The following ABR variants were observed in gnomAD, a reference collection of about 807,000 sequenced individuals.
ABR encodes the protein ABR activator of RhoGEF and GTPase.
ABR carries 35 observed loss-of-function variants against 107.2 expected under a neutral mutation model. That is an observed-to-expected ratio of 0.33 (90% CI 0.25 to 0.43). The LOEUF (loss-of-function observed/expected upper bound fraction) is 0.43. ABR is among the 20% of genes least tolerant of loss of function. The pLI, the probability that ABR is intolerant of heterozygous loss-of-function variation, is 1.00. For synonymous variants in ABR, 498 were observed against 462.0 expected, an observed-to-expected ratio of 1.08 and a Z score of -1.00; for missense variants, 815 against 1,115.2, an observed-to-expected ratio of 0.73 and a Z score of 3.83.
At chr17:1,168,868 C>T (rs2041607096) in intron 1 of ABR, among the ~76,000 whole-genome samples, 1 of 152,248 alleles carries the variant, frequency 6.6e-6, no homozygotes, top group African/African-American at 2.4e-5. Flanking sequence ...TCTGAAGATT[C>T]TACACCCAAA....
In ABR at chr17:1,078,505, G is replaced by A. The variant is rs1454146928; in HGVS notation, c.700+825C>T. Among the ~76,000 whole-genome samples the A allele has an allele frequency of 2.0e-5, 3 of 151,982 alleles. No individual in the cohort carries two copies. The highest frequency in any genetic ancestry group is 2.9e-5 in the Non-Finnish European group (2 of 67,990). On this transcript the variant is annotated intron_variant, in intron 6 of 22. Transcript: ENST00000302538. This position sits in a 1 kb window ranked among gnomAD's most constrained non-coding sequence, Gnocchi z 7.5. ...ACTACGTCTGCGGGCACAGCTCGTC[G>A]CCGTCTCTCCCTAACAGCCCCTCCA...
intron 1 of ABR, among the ~76,000 whole-genome samples, chr17:1,173,524 A>G (rs1057409746): frequency 6.6e-6 from 1 of 151,672 alleles, no homozygotes; most frequent in African/African-American, 2.4e-5. Context: ...GAAGTCCTCC[A>G]ATCATAAACC....
Position 1,085,865 on chromosome 17 carries a change from G to A in ABR, c.532-2238C>T, listed in dbSNP as rs555229282. On this transcript the variant is annotated intron_variant, in intron 4 of 22. Transcript: ENST00000302538. ...TACTTTTAAAAATGTGGGTATTAGGGGCCAGGCGCGGTGGCTCACAACTGT... is the reference window on the plus strand; with the variant it reads ...TACTTTTAAAAATGTGGGTATTAGGAGCCAGGCGCGGTGGCTCACAACTGT... 2.6e-5 allele frequency among the ~76,000 whole-genome samples: 4 copies of A among 152,140 alleles called. No homozygotes were observed. The South Asian group carries it at 8.3e-4, about 32-fold the overall frequency.
At chr17:1,060,048 A>G (rs1202896002) in intron 10 of ABR, among the ~76,000 whole-genome samples, 1 of 152,254 alleles carries the variant, frequency 6.6e-6, no homozygotes, top group African/African-American at 2.4e-5. Flanking sequence ...GCGAAGAATC[A>G]GAGACAATCC....
At chr17:1,207,206 T>C (rs1014293245) in intron 1 of ABR, among the ~76,000 whole-genome samples, 2 of 151,434 alleles carry the variant, frequency 1.3e-5, no homozygotes, top group African/African-American at 4.9e-5. Flanking sequence ...TGAGCTGTGA[T>C]TGTGCCACTG....
chr17:1,187,816 C>T (rs762653927), upstream of ABR, among the ~76,000 whole-genome samples: 54 of 151,908 alleles, frequency 3.6e-4, 1 homozygote, highest in Non-Finnish European at 7.1e-4. Flanking sequence ...ATCACTTGAA[C>T]CTGGGTGGCG....
chr17:1,057,975 T>C lies in ABR; in HGVS notation c.1376A>G (p.Lys459Arg). ...EWREAIQKLQ[K>R]KDLQAFVLSS... ...TGGAAGAGGCAGGAATTTACCCTTC[T>C]TCTGTAGTTTCTGAATTGCTTCTCT... Residue 459 changes from lysine (K) to arginine (R), a missense_variant, in exon 12 of 23, where the codon AAG becomes AGG. Lys to Arg is a conservative substitution (Grantham distance 26). Coordinates refer to ENST00000302538, the MANE Select transcript of ABR (RefSeq NM_021962.5). The C allele has an allele frequency of 1.2e-6, 2 of 1,613,542 alleles. No homozygotes were observed. The highest frequency in any genetic ancestry group is 3.3e-4 in the Middle Eastern group (2 of 6,020).
At chr17:1,196,934 T>C (rs1008651367) in intron 1 of ABR, among the ~76,000 whole-genome samples, 2 of 151,804 alleles carry the variant, frequency 1.3e-5, no homozygotes, top group Admixed American at 1.3e-4. Flanking sequence ...GACCTCGTGA[T>C]CCATCCGCCT....
intron 1 of ABR, among the ~76,000 whole-genome samples, chr17:1,165,451 T>C (rs530449368): frequency 3.2e-4 from 48 of 152,322 alleles, no homozygotes; most frequent in Admixed American, 1.3e-3. Context: ...AGACAAAATG[T>C]CCAGGAGGAA....
At chr17:1,025,119 CAAA>C (rs71272843) in intron 16 of ABR, among the ~76,000 whole-genome samples, 9 of 37,704 alleles carry the variant, frequency 2.4e-4, no homozygotes, top group Non-Finnish European at 2.7e-4. Context: ...GACTCCGTCT[CAAA>C]AAAAAAAAAA....
chr17:1,091,893 C>A, intron 3 of ABR, 43 bp from the exon 4 acceptor site: 1 of 1,577,494 alleles, frequency 6.3e-7, no homozygotes, highest in Non-Finnish European at 8.6e-7. Context: ...CGGGGGTAAA[C>A]AAACCAGAGT....
intron 5 of ABR, among the ~76,000 whole-genome samples, chr17:1,082,082 G>A (rs190247902): frequency 6.6e-6 from 1 of 152,150 alleles, no homozygotes; most frequent in East Asian, 1.9e-4. Context: ...AAACTACCCT[G>A]CGTTTCCCCA....
At chr17:1,020,587 A>T (rs1014364501) in intron 16 of ABR, among the ~76,000 whole-genome samples, 4 of 152,138 alleles carry the variant, frequency 2.6e-5, no homozygotes, top group Non-Finnish European at 4.4e-5. Context: ...CCCGAAGGTG[A>T]GCGTGGATTC....
chr17:1,177,687 T>C (rs1411590656), intron 1 of ABR, among the ~76,000 whole-genome samples: 1 of 151,716 alleles, frequency 6.6e-6, no homozygotes, highest in Non-Finnish European at 1.5e-5. Context: ...CTTCGGGAAA[T>C]AGGGAAACAA....
chr17:1,145,889 C>T (rs986177760), intron 1 of ABR, among the ~76,000 whole-genome samples: 2 of 152,250 alleles, frequency 1.3e-5, no homozygotes, highest in Admixed American at 6.5e-5. Flanking sequence ...AGCAGCCGCA[C>T]CTCTGCCCAG....
chr17:1,153,098 G>A (rs2040867582), intron 1 of ABR, among the ~76,000 whole-genome samples: 1 of 152,198 alleles, frequency 6.6e-6, no homozygotes, highest in Non-Finnish European at 1.5e-5. Flanking sequence ...CACAGCCTGG[G>A]CAGGTTTAAT....
intron 16 of ABR, among the ~76,000 whole-genome samples, chr17:1,026,754 A>C (rs1264677439): frequency 6.6e-6 from 1 of 152,238 alleles, no homozygotes. Context: ...TTCCTGCCCC[A>C]GCATGAGTTC....
At chr17:1,159,436 A>G (rs62069449) in intron 1 of ABR, among the ~76,000 whole-genome samples, 2,110 of 58,682 alleles carry the variant, frequency 0.036, 121 homozygotes, top group African/African-American at 0.079. Flanking sequence ...GGGAGAGGTA[A>G]GAATGCGGTA....
chr17:1,031,725 G>A, intron 16 of ABR: 1 of 1,244,360 alleles, frequency 8.0e-7, no homozygotes. Context: ...GTCGGGCTGG[G>A]GCAGGACGTC....
Sources: gnomAD v4.1 joint callset for allele counts (sites outside exome capture counted in the v4.1 genomes callset) on GRCh38, gnomAD v4.1.1 for gene constraint, Gnocchi (gnomAD v3.1) non-coding constraint, MANE v1.5 for transcripts, NCBI Gene and HGNC (gene_info 2026-07-23, HGNC 2026-07-21) for gene names.